Variants in SMAD5 observed in about 807,000 individuals in gnomAD.
The protein encoded by SMAD5 is SMAD family member 5.
SMAD5 carries 9 observed loss-of-function variants against 43.1 expected under a neutral mutation model. That is an observed-to-expected ratio of 0.21 (90% CI 0.13 to 0.36). The LOEUF is 0.36. SMAD5 is among the 10% of genes least tolerant of loss of function. SMAD5 has a pLI of 1.00. For missense variants in SMAD5, 348 were observed against 574.0 expected (o/e 0.61, Z 4.02); for synonymous variants, 190 against 192.4 (o/e 0.99, Z 0.10).
In SMAD5 at chr5:136,135,411, G is replaced by C. The variant is rs75773080; in HGVS notation, c.-245+2449G>C. 3.7e-3 allele frequency among the ~76,000 whole-genome samples: 571 copies of C among 152,284 alleles called. 4 individuals are homozygous for C. Among genetic ancestry groups the C allele is most frequent in the African/African-American group, 0.013 (547 of 41,562 alleles). ...TTTTCATCATGAACCCAAACATTAT[G>C]ATTTGCAGTGATGATCTTTTTTGTC... On this transcript the variant is annotated intron_variant, in intron 1 of 7. Transcript: ENST00000545279.
intron 3 of SMAD5, 85 bp from the exon 4 acceptor site, chr5:136,160,771 T>G (rs1753795505): frequency 7.4e-7 from 1 of 1,352,828 alleles, no homozygotes; most frequent in Non-Finnish European, 1.0e-6. Flanking sequence ...CAGTCTTACA[T>G]GAATCCTTTC....
At chr5:136,154,659 G>GCA (rs1355230309) in intron 3 of SMAD5, among the ~76,000 whole-genome samples, 2 of 151,972 alleles carry the variant, frequency 1.3e-5, no homozygotes, top group Non-Finnish European at 2.9e-5. Flanking sequence ...CCCAATCACT[G>GCA]CACTGTTTCC....
At position 136,182,668 on chromosome 5, in the gene SMAD5, ACT is replaced by A. The variant is rs1211558534; in HGVS notation, c.*5191_*5192del. ...CTATATTGTGCTTTTGAAAGCCATA[ACT>A]CTTAAGAACTTTGTTTTTGCATATT... On this transcript the variant is annotated 3_prime_UTR_variant, in exon 8 of 8. Transcript: ENST00000545279. 6.6e-6 allele frequency: 1 copy of A among 152,638 alleles called. No individual in the cohort carries two copies. Among genetic ancestry groups the A allele is most frequent in the East Asian group, 1.9e-4 (1 of 5,200 alleles). The allele number at this position is 152,638 out of a possible 1,614,324, so 9.5% of individuals were successfully genotyped here. A position where few individuals can be genotyped will look rare whatever the true frequency, so the allele number is the denominator to read the frequency against.
At chr5:136,175,273 G>A (rs1316380786) in intron 7 of SMAD5, among the ~76,000 whole-genome samples, 1 of 152,100 alleles carries the variant, frequency 6.6e-6, no homozygotes, top group Non-Finnish European at 1.5e-5. Context: ...TTTGGGTGAG[G>A]ACACAGCCAA....
At chr5:136,158,382 T>A (rs1220420844) in intron 3 of SMAD5, among the ~76,000 whole-genome samples, 1 of 152,140 alleles carries the variant, frequency 6.6e-6, no homozygotes, top group East Asian at 1.9e-4. Flanking sequence ...AGTAAAGTAG[T>A]GCTGTCAAAA....
intron 2 of SMAD5, among the ~76,000 whole-genome samples, chr5:136,148,290 A>G (rs1270874891): frequency 6.6e-6 from 1 of 151,272 alleles, no homozygotes; most frequent in African/African-American, 2.4e-5. Context: ...AAAAATATAT[A>G]TACATTTTTT....
At chr5:136,173,319 G>A (rs1048164476) in intron 6 of SMAD5, among the ~76,000 whole-genome samples, 1 of 152,152 alleles carries the variant, frequency 6.6e-6, no homozygotes, top group African/African-American at 2.4e-5. Flanking sequence ...CCCATCCCAG[G>A]TAAAGTGTAT....
Position 136,160,917 on chromosome 5 carries a change from T to TC in SMAD5, c.466dup (p.Gln156ProfsTer3). On this transcript the variant is annotated frameshift_variant, in exon 4 of 8. Coordinates refer to ENST00000545279, the MANE Select transcript of SMAD5 (RefSeq NM_005903.7). LOFTEE classifies it high-confidence loss of function. ...TCAATCCACAACACAGCCTTCTGGTTCAGTTTAGGAACCTGAGCCACAATG... is the reference window on the plus strand; with the variant it reads ...TCAATCCACAACACAGCCTTCTGGTTCCAGTTTAGGAACCTGAGCCACAATG... The TC allele has an allele frequency of 6.2e-7, 1 of 1,613,936 alleles. No homozygotes were observed. Among genetic ancestry groups the TC allele is most frequent in the Non-Finnish European group, 8.5e-7 (1 of 1,179,860 alleles).
chr5:136,137,905 G>C (rs926954742), intron 1 of SMAD5, among the ~76,000 whole-genome samples: 1 of 152,160 alleles, frequency 6.6e-6, no homozygotes, highest in African/African-American at 2.4e-5. Flanking sequence ...TGTAATATAT[G>C]TCGTGTACAC....
intron 2 of SMAD5, among the ~76,000 whole-genome samples, chr5:136,149,815 C>CTA (rs1366538178): frequency 1.3e-5 from 2 of 151,800 alleles, no homozygotes; most frequent in Non-Finnish European, 2.9e-5. Context: ...GTTTTTTAGT[C>CTA]ATTCCATATT....
Position 136,174,405 on chromosome 5 carries a change from G to A in SMAD5, c.1027G>A (p.Val343Met), listed in dbSNP as rs1404726961. Residue 343 changes from valine to methionine, a missense_variant, in exon 7 of 8, where the codon GTG (valine) becomes ATG (methionine). Transcript: ENST00000545279. ...TCATCTGTACTATGTTGGTGGAGAG[G>A]TGTATGCGGAATGCCTCAGTGACAG... is the stretch of plus-strand genomic sequence containing the variant. ...GVHLYYVGGE[V>M]YAECLSDSSI... is the part of the protein sequence containing the mutation. The A allele has an allele frequency of 1.2e-6, 2 of 1,613,798 alleles. No homozygotes were observed. Among genetic ancestry groups the A allele is most frequent in the Non-Finnish European group, 1.7e-6 (2 of 1,179,710 alleles).
intron 6 of SMAD5, 58 bp from the exon 7 acceptor site, chr5:136,174,318 A>C: frequency 2.0e-6 from 3 of 1,528,226 alleles, no homozygotes; most frequent in Admixed American, 3.4e-5. Context: ...CATACAGTCT[A>C]TTTGGTTTCA....
intron 2 of SMAD5, among the ~76,000 whole-genome samples, chr5:136,151,207 C>T (rs1753446175): frequency 6.6e-6 from 1 of 151,972 alleles, no homozygotes; most frequent in Non-Finnish European, 1.5e-5. Flanking sequence ...TACCTGCATA[C>T]TAACATTGCA....
intron 2 of SMAD5, among the ~76,000 whole-genome samples, chr5:136,149,815 C>T (rs999465674): frequency 1.3e-5 from 2 of 151,800 alleles, no homozygotes; most frequent in African/African-American, 4.8e-5. Flanking sequence ...GTTTTTTAGT[C>T]ATTCCATATT....
At position 136,141,702 on chromosome 5, in the gene SMAD5, TAAAG is replaced by T. The variant is rs376345687; in HGVS notation, c.-244-6127_-244-6124del. On this transcript the variant is annotated intron_variant, in intron 1 of 7. Transcript: ENST00000545279. ...CTGAGTCAGTTAATGCACATATACT[TAAAG>T]AAGTAGGTGTACCTTATGATAATCA... Among the ~76,000 whole-genome samples, 804 of 152,314 alleles carry T rather than the reference TAAAG, an allele frequency of 5.3e-3. 9 individuals are homozygous for T. The highest frequency in any genetic ancestry group is 0.018 in the African/African-American group (763 of 41,582).
intron 4 of SMAD5, among the ~76,000 whole-genome samples, chr5:136,162,535 T>C (rs1753856543): frequency 6.6e-6 from 1 of 152,242 alleles, no homozygotes; most frequent in African/African-American, 2.4e-5. Context: ...TTTCATAGTT[T>C]GTCTTAGATT....
chr5:136,161,173 T>C (rs1753815854), intron 4 of SMAD5, 66 bp downstream of exon 4: 1 of 1,446,388 alleles, frequency 6.9e-7, no homozygotes, highest in South Asian at 1.3e-5. Context: ...GTTCTTACTG[T>C]GGGCCCTCTG....
At chr5:136,150,913 A>G (rs748774465) in intron 2 of SMAD5, among the ~76,000 whole-genome samples, 5 of 152,026 alleles carry the variant, frequency 3.3e-5, no homozygotes, top group Non-Finnish European at 7.4e-5. Context: ...ATAGGCTTTG[A>G]AAAAGTGATA....
rs889665520 is a variant in SMAD5, at chr5:136,172,380, C to G, written c.776-54C>G. The G allele has an allele frequency of 2.3e-5, 24 of 1,039,160 alleles. No homozygotes were observed. The African/African-American group carries it at 2.9e-4, about 12-fold the overall frequency. 64.4% of individuals were successfully genotyped at this position (1,039,160 alleles called of 1,614,324 possible). A position where few individuals can be genotyped will look rare whatever the true frequency, so the allele number is the denominator to read the frequency against. ...TTGGGTTAAAAGATAAACACATGGA[C>G]AATCTGAGTTTCTGATATGTATTAA... On this transcript the variant is annotated intron_variant, in intron 5 of 7. Transcript: ENST00000545279.
Sources: gnomAD v4.1 joint callset for allele counts (sites outside exome capture counted in the v4.1 genomes callset) on GRCh38, gnomAD v4.1.1 for gene constraint, MANE v1.5 for transcripts, NCBI Gene and HGNC (gene_info 2026-07-23, HGNC 2026-07-21) for gene names.